Variants in RAF1 observed in about 807,000 individuals in gnomAD.
The protein encoded by RAF1 is Raf-1 proto-oncogene, serine/threonine kinase, also known as RAF proto-oncogene serine/threonine-protein kinase.
RAF1 carries 27 observed loss-of-function variants against 81.1 expected under a neutral mutation model. The observed-to-expected ratio is 0.33, with a 90% confidence interval of 0.25 to 0.46. The LOEUF (loss-of-function observed/expected upper bound fraction) is 0.46, where lower values mean the gene tolerates loss of function less well. Among genes scored for constraint, RAF1 ranks in the 20% least tolerant of loss-of-function variants. The pLI is 1.00. For missense variants in RAF1, 598 were observed against 826.0 expected (o/e 0.72, Z 3.38); for synonymous variants, 298 against 294.0 (o/e 1.01, Z -0.14).
At chr3:12,649,354 T>G (rs936690933) in intron 1 of RAF1, among the ~76,000 whole-genome samples, 1 of 152,078 alleles carries the variant, frequency 6.6e-6, no homozygotes. Flanking sequence ...TCTCAGTAAT[T>G]TGGGAAATCA....
chr3:12,599,785 T>G lies in RAF1; in HGVS notation c.1074A>C (p.Ser358=), dbSNP rs1423180886. The stretch of plus-strand genomic sequence containing the variant: ...TGGCTTCTATTTCCCAATAATAGCT[T>G]GAATCTCTCTGTCCACGAGGCCTCT... Residue 358 remains serine, a synonymous_variant, in exon 11 of 18, where the codon TCA becomes TCC. Transcript: ENST00000442415. 6 of 1,614,090 alleles carry G rather than the reference T, an allele frequency of 3.7e-6. No individual in the cohort carries two copies. The East Asian group carries it at 1.3e-4, about 36-fold the overall frequency.
At chr3:12,615,243 T>A in intron 2 of RAF1, among the ~76,000 whole-genome samples, 1 of 152,310 alleles carries the variant, frequency 6.6e-6, no homozygotes, top group African/African-American at 2.4e-5. Context: ...TTAGAAGCAG[T>A]AGCAGCAGCA....
At position 12,584,116 on chromosome 3, in the gene RAF1, C is replaced by T. The variant is rs2058235780; in HGVS notation, c.*398G>A. ...CCTGTGACATGCATTCCTCCAGAAG[C>T]TGATTTCCAAAATCCCATGTGTCTC... On this transcript the variant is annotated 3_prime_UTR_variant, in exon 18 of 18. Coordinates refer to ENST00000442415, the MANE Select transcript of RAF1 (RefSeq NM_001354689.3). The T allele has an allele frequency of 3.1e-6, 1 of 326,450 alleles. No individual in the cohort carries two copies. Among genetic ancestry groups the T allele is most frequent in the Non-Finnish European group, 5.8e-6 (1 of 172,004 alleles). 20.2% of individuals were successfully genotyped at this position (326,450 alleles called of 1,614,324 possible). A position where few individuals can be genotyped will look rare whatever the true frequency, so the allele number is the denominator to read the frequency against.
At chr3:12,653,753 C>G (rs4684870) in intron 1 of RAF1, among the ~76,000 whole-genome samples, 128,225 of 151,712 alleles carry the variant, frequency 0.85, 54,646 homozygotes, top group African/African-American at 0.95. Context: ...AAAAAAAAGT[C>G]ATCTCTCATG....
Position 12,585,256 on chromosome 3 carries a change from A to C in RAF1, c.1597-3T>G, listed in dbSNP as rs757128937. Reference sequence around the variant, plus strand: ...TGCATTCGGATCACCTCTGGGGCCTACATGTATCACCATATGACAAAAGTG... The same window carrying C: ...TGCATTCGGATCACCTCTGGGGCCTCCATGTATCACCATATGACAAAAGTG... On this transcript the variant is annotated splice_region_variant and splice_polypyrimidine_tract_variant and intron_variant, in intron 15 of 17. Transcript: ENST00000442415. 2 of 1,614,100 alleles carry C rather than the reference A, an allele frequency of 1.2e-6. No individual in the cohort carries two copies.
chr3:12,584,660 G>C lies in RAF1; in HGVS notation c.1864-3C>G. On this transcript the variant is annotated splice_polypyrimidine_tract_variant and splice_region_variant and intron_variant, in intron 17 of 17. Transcript: ENST00000442415. ...AGCAGCTCAATGGAAGACAGGATCT[G>C]AAACAAAGCCCAAGAATGCTCTCAT... 6.2e-7 allele frequency: 1 copy of C among 1,614,140 alleles called. No homozygotes were observed. Among genetic ancestry groups the C allele is most frequent in the East Asian group, 2.2e-5 (1 of 44,872 alleles).
rs780912024 is a variant in RAF1, at chr3:12,608,777, G to A, written c.570C>T (p.Ile190=). The A allele has an allele frequency of 4.8e-5, 77 of 1,614,008 alleles. No individual in the cohort carries two copies. The highest frequency in any genetic ancestry group is 5.5e-5 in the South Asian group (5 of 91,088). The change falls in exon 5 of 18, where the codon ATC becomes ATT. Residue 190 remains isoleucine (I), a synonymous_variant. Transcript: ENST00000442415. ...GAACAATGCCTTACAAGAGTTGTCT[G>A]ATGTTACTCCAGTCCACACACATAG...
At chr3:12,652,855 C>T (rs1032064922) in intron 1 of RAF1, among the ~76,000 whole-genome samples, 9 of 151,692 alleles carry the variant, frequency 5.9e-5, no homozygotes, top group Non-Finnish European at 1.0e-4. Context: ...TCACTTGAAC[C>T]TGGGAGACAG....
intron 2 of RAF1, among the ~76,000 whole-genome samples, chr3:12,616,063 T>TATAATA (rs920482151): frequency 6.6e-6 from 1 of 151,224 alleles, no homozygotes; most frequent in Non-Finnish European, 1.5e-5. Context: ...AAAAAATACA[T>TATAATA]ATAATAATAA....
At chr3:12,602,421 A>C (rs889440539) in intron 8 of RAF1, among the ~76,000 whole-genome samples, 3 of 152,216 alleles carry the variant, frequency 2.0e-5, no homozygotes, top group Non-Finnish European at 4.4e-5. Flanking sequence ...AATCATACAC[A>C]GCTCACTACA....
intron 11 of RAF1, among the ~76,000 whole-genome samples, chr3:12,596,421 T>TGAC (rs1345443070): frequency 6.6e-6 from 1 of 152,182 alleles, no homozygotes; most frequent in Non-Finnish European, 1.5e-5. Context: ...CTTGAACTCC[T>TGAC]GACCTCAAAT....
At chr3:12,646,383 T>TC (rs1431046080) in intron 1 of RAF1, among the ~76,000 whole-genome samples, 1 of 152,040 alleles carries the variant, frequency 6.6e-6, no homozygotes, top group African/African-American at 2.4e-5. Flanking sequence ...TTCTTTTAAG[T>TC]CTTTTTTTTG....
At chr3:12,656,169 C>T (rs895219131) in intron 1 of RAF1, among the ~76,000 whole-genome samples, 2 of 148,146 alleles carry the variant, frequency 1.4e-5, no homozygotes, top group Non-Finnish European at 3.0e-5. Flanking sequence ...CACAATCTCT[C>T]CTCTCAAAAT....
intron 1 of RAF1, among the ~76,000 whole-genome samples, chr3:12,653,459 C>G (rs1030646399): frequency 6.6e-6 from 1 of 152,040 alleles, no homozygotes; most frequent in African/African-American, 2.4e-5. Flanking sequence ...AAAGTGATAT[C>G]TCTTGGCTGG....
chr3:12,649,582 G>C (rs2060457324), intron 1 of RAF1, among the ~76,000 whole-genome samples: 1 of 99,744 alleles, frequency 1.0e-5, no homozygotes, highest in African/African-American at 4.9e-5. Flanking sequence ...ATGGGGGCCA[G>C]AGACTGTCAC....
intron 1 of RAF1, among the ~76,000 whole-genome samples, chr3:12,638,098 A>T (rs984602602): frequency 6.6e-6 from 1 of 152,158 alleles, no homozygotes; most frequent in Non-Finnish European, 1.5e-5. Context: ...CATTTGAAAT[A>T]ATATTAGGTA....
At chr3:12,637,993 G>T (rs1023975869) in intron 1 of RAF1, among the ~76,000 whole-genome samples, 1 of 152,008 alleles carries the variant, frequency 6.6e-6, no homozygotes, top group Admixed American at 6.6e-5. Context: ...CCATCAAACA[G>T]GACCTCCCCT....
chr3:12,602,317 C>T (rs1322270923), intron 8 of RAF1, among the ~76,000 whole-genome samples: 2 of 152,154 alleles, frequency 1.3e-5, no homozygotes, highest in Non-Finnish European at 1.5e-5. Flanking sequence ...TAACAGGAAT[C>T]AAAATTTACC....
intron 1 of RAF1, among the ~76,000 whole-genome samples, chr3:12,644,396 A>G (rs1240498626): frequency 6.6e-6 from 1 of 152,194 alleles, no homozygotes; most frequent in African/African-American, 2.4e-5. Flanking sequence ...ACTGCCGCCA[A>G]CTACTCTCCC....
Sources: gnomAD v4.1 joint callset for allele counts (sites outside exome capture counted in the v4.1 genomes callset) on GRCh38, gnomAD v4.1.1 for gene constraint, MANE v1.5 for transcripts, NCBI Gene and HGNC (gene_info 2026-07-23, HGNC 2026-07-21) for gene names.